Variants in ENTREP2 observed in about 807,000 individuals in gnomAD.
The protein encoded by ENTREP2 is endosomal transmembrane epsin interactor 2.
the ENTREP2 span, among the ~76,000 whole-genome samples, chr15:29,287,895 T>C: frequency 2.6e-5 from 4 of 152,174 alleles, no homozygotes; most frequent in Non-Finnish European, 1.5e-5. Flanking sequence ...AATGCAAGTA[T>C]AGACAAAAAG....
chr15:29,345,897 G>T, the ENTREP2 span, among the ~76,000 whole-genome samples: 5 of 152,206 alleles, frequency 3.3e-5, no homozygotes, highest in Non-Finnish European at 5.9e-5. Flanking sequence ...GATGATCGCA[G>T]CGGACATTTA....
At chr15:29,174,467 T>C in the ENTREP2 span, among the ~76,000 whole-genome samples, 1 of 152,074 alleles carries the variant, frequency 6.6e-6, no homozygotes, top group African/African-American at 2.4e-5. Flanking sequence ...GGCGGGCAGA[T>C]CATGAGATCA....
At chr15:29,428,386 T>C in the ENTREP2 span, among the ~76,000 whole-genome samples, 1 of 152,072 alleles carries the variant, frequency 6.6e-6, no homozygotes, top group African/African-American at 2.4e-5. Flanking sequence ...GCTATTTTTT[T>C]GGATTTTTAG....
the ENTREP2 span, among the ~76,000 whole-genome samples, chr15:29,659,923 C>A: frequency 2.0e-5 from 3 of 151,942 alleles, no homozygotes; most frequent in Non-Finnish European, 4.4e-5. Flanking sequence ...CTCGGCCTCC[C>A]GAGTAGCTGG....
chr15:29,393,614 T>C, the ENTREP2 span, among the ~76,000 whole-genome samples: 1,114 of 152,296 alleles, frequency 7.3e-3, 14 homozygotes, highest in African/African-American at 0.026. Context: ...AGTTGTTCTA[T>C]AGGAGAAGCA....
At chr15:29,223,846 G>C in the ENTREP2 span, among the ~76,000 whole-genome samples, 1 of 152,132 alleles carries the variant, frequency 6.6e-6, no homozygotes, top group African/African-American at 2.4e-5. Context: ...ACGAAAAGCA[G>C]GCACTCTCTG....
chr15:29,187,864 C>T, the ENTREP2 span, among the ~76,000 whole-genome samples: 3 of 152,182 alleles, frequency 2.0e-5, no homozygotes, highest in Admixed American at 2.0e-4. Context: ...ACAGGCTGTG[C>T]GGTATGCTCC....
At chr15:29,235,694 G>A in the ENTREP2 span, among the ~76,000 whole-genome samples, 1 of 152,176 alleles carries the variant, frequency 6.6e-6, no homozygotes, top group African/African-American at 2.4e-5. Context: ...GGCTGGGCGT[G>A]TTAGCTCACG....
chr15:29,413,797 G>C, the ENTREP2 span, among the ~76,000 whole-genome samples: 2 of 152,136 alleles, frequency 1.3e-5, no homozygotes, highest in Non-Finnish European at 2.9e-5. Context: ...TAAAGGGATG[G>C]AGGAAGATCT....
At chr15:29,483,501 C>T in the ENTREP2 span, among the ~76,000 whole-genome samples, 8 of 152,208 alleles carry the variant, frequency 5.3e-5, no homozygotes, top group Admixed American at 2.6e-4. Flanking sequence ...TTTTAAAGTG[C>T]ATTTTTGGGA....
the ENTREP2 span, among the ~76,000 whole-genome samples, chr15:29,205,426 C>T: frequency 0.45 from 68,341 of 152,026 alleles, 16,759 homozygotes; most frequent in African/African-American, 0.65. Flanking sequence ...TGCCATTTTA[C>T]GTTCCACCAA....
At chr15:29,268,571 A>G in the ENTREP2 span, 1 of 466,694 alleles carries the variant, frequency 2.1e-6, no homozygotes. Flanking sequence ...TACCAAAAAG[A>G]GTAAAATCAA....
the ENTREP2 span, chr15:29,269,343 G>A: frequency 1.1e-5 from 18 of 1,614,094 alleles, no homozygotes; most frequent in African/African-American, 6.7e-5. Context: ...CGGGGAAGAT[G>A]TCCTTGTAGT....
the ENTREP2 span, among the ~76,000 whole-genome samples, chr15:29,346,253 G>T: frequency 6.6e-6 from 1 of 152,324 alleles, no homozygotes; most frequent in East Asian, 1.9e-4. Flanking sequence ...GGGAAGCAGA[G>T]CATGTCACCA....
At chr15:29,188,273 T>C in the ENTREP2 span, among the ~76,000 whole-genome samples, 573 of 152,252 alleles carry the variant, frequency 3.8e-3, 2 homozygotes, top group African/African-American at 0.013. Flanking sequence ...ACTTTAAGTT[T>C]TGGGATACAT....
the ENTREP2 span, among the ~76,000 whole-genome samples, chr15:29,480,355 A>C: frequency 1.3e-3 from 189 of 146,822 alleles, 1 homozygote; most frequent in African/African-American, 4.6e-3. Context: ...AAAAAAAAAA[A>C]AAAAAAAAAA....
chr15:29,591,041 C>T, the ENTREP2 span, among the ~76,000 whole-genome samples: 1 of 152,166 alleles, frequency 6.6e-6, no homozygotes, highest in Non-Finnish European at 1.5e-5. Flanking sequence ...TGCCAATCTT[C>T]TGTCAAACAT....
At chr15:29,407,933 G>T in the ENTREP2 span, among the ~76,000 whole-genome samples, 2 of 152,028 alleles carry the variant, frequency 1.3e-5, no homozygotes, top group African/African-American at 4.8e-5. Flanking sequence ...ACCCACCTCG[G>T]CCTCCCAAAG....
chr15:29,474,591 G>A, the ENTREP2 span, among the ~76,000 whole-genome samples: 9 of 151,772 alleles, frequency 5.9e-5, no homozygotes, highest in African/African-American at 1.5e-4. Flanking sequence ...GTCTCACTCC[G>A]TCACCCAGGC....
Sources: allele counts gnomAD v4.1 joint callset (sites outside exome capture counted in the v4.1 genomes callset), GRCh38; gene constraint gnomAD v4.1.1; transcripts MANE v1.5; gene names NCBI Gene and HGNC (gene_info 2026-07-23, HGNC 2026-07-21).